The following UBAP2L variants were observed in gnomAD, a reference collection of about 807,000 sequenced individuals.
The protein encoded by UBAP2L is ubiquitin associated protein 2 like.
In UBAP2L, 12 loss-of-function variants were observed where a neutral mutation model predicts 130.6. The ratio of observed to expected loss-of-function variants is 0.09; its 90% CI spans 0.06 to 0.15. The LOEUF is 0.15. Among genes scored for constraint, UBAP2L ranks in the 10% least tolerant of loss-of-function variants. The pLI is 1.00. For missense variants in UBAP2L, 965 were observed against 1,332.5 expected, an observed-to-expected ratio of 0.72 and a Z score of 4.29; for synonymous variants, 503 against 524.7, an observed-to-expected ratio of 0.96 and a Z score of 0.57.
At chr1:154,237,252 A>T in intron 8 of UBAP2L, 116 bp downstream of exon 8, 1 of 932,212 alleles carries the variant, frequency 1.1e-6, no homozygotes, top group South Asian at 1.5e-5. Flanking sequence ...AGATAGGGTG[A>T]GAAAGGGCTG....
In UBAP2L at chr1:154,243,200, A is replaced by G. The variant is rs748097749; in HGVS notation, c.757-17A>G. 24 of 1,600,016 alleles carry G rather than the reference A, an allele frequency of 1.5e-5. No homozygotes were observed. Among genetic ancestry groups the G allele is most frequent in the Non-Finnish European group, 2.1e-5 (24 of 1,167,988 alleles). ...GCATCCCTGACACCAAGAGTGACTA[A>G]TCCCTCTGTTTTCCAGCTTTCTGAG... On this transcript the variant is annotated splice_polypyrimidine_tract_variant and intron_variant, in intron 9 of 26. Coordinates refer to ENST00000428931, the MANE Select transcript of UBAP2L (RefSeq NM_014847.4).
At chr1:154,255,495 T>TCC (rs1433333323) in intron 17 of UBAP2L, among the ~76,000 whole-genome samples, 169 bp downstream of exon 17, 1 of 152,218 alleles carries the variant, frequency 6.6e-6, no homozygotes, top group African/African-American at 2.4e-5. Flanking sequence ...GTTTTAATTT[T>TCC]CCCCTTTCAA....
intron 24 of UBAP2L, among the ~76,000 whole-genome samples, chr1:154,264,290 A>G (rs1461988534): frequency 3.3e-5 from 5 of 152,144 alleles, no homozygotes; most frequent in African/African-American, 1.2e-4. Flanking sequence ...CACCTTTCCC[A>G]GGGGCTGCCA....
intron 7 of UBAP2L, 61 bp from the exon 8 acceptor site, chr1:154,236,963 T>G (rs908653801): frequency 2.3e-6 from 3 of 1,278,728 alleles, no homozygotes; most frequent in Non-Finnish European, 3.4e-6. Context: ...TTTGATTCTT[T>G]GAGTTAATAT....
At chr1:154,250,226 T>G (rs1677062537) in intron 12 of UBAP2L, among the ~76,000 whole-genome samples, 3 of 152,176 alleles carry the variant, frequency 2.0e-5, no homozygotes, top group African/African-American at 7.2e-5. Flanking sequence ...GCCTGGCTAA[T>G]TTTTAATTTT....
chr1:154,220,597 G>C (rs1440892231), upstream of UBAP2L: 4 of 617,802 alleles, frequency 6.5e-6, no homozygotes, highest in Non-Finnish European at 1.1e-5. Flanking sequence ...GGAGAACGAC[G>C]CCTTCCAGCT....
At chr1:154,253,613 C>T (rs916925853) in intron 14 of UBAP2L, among the ~76,000 whole-genome samples, 4 of 151,936 alleles carry the variant, frequency 2.6e-5, no homozygotes, top group African/African-American at 9.7e-5. Context: ...ACCTCGTGAT[C>T]CGCCCGCCTC....
chr1:154,229,387 G>A lies in UBAP2L; in HGVS notation c.279+662G>A, dbSNP rs1315474066. ...GCTTGTCTTATGTTTGTACCAAATT[G>A]TAATCCTCTGACTGCCTTATTGATC... On this transcript the variant is annotated intron_variant, in intron 4 of 26. Coordinates refer to ENST00000428931, the MANE Select transcript of UBAP2L (RefSeq NM_014847.4). Among the ~76,000 whole-genome samples the A allele has an allele frequency of 2.0e-5, 3 of 152,068 alleles. No homozygotes were observed. In the South Asian group the frequency reaches 6.2e-4, roughly 32 times the overall value.
chr1:154,257,601 T>G, intron 20 of UBAP2L, 167 bp downstream of exon 20: 2 of 687,756 alleles, frequency 2.9e-6, no homozygotes, highest in South Asian at 3.9e-5. Flanking sequence ...TCTGTAAATG[T>G]GGCCGTATTT....
rs1684454765 is a variant in UBAP2L at position 154,270,219 on chromosome 1, G to A, written c.3188G>A (p.Ser1063Asn). The A allele has an allele frequency of 5.6e-6, 9 of 1,609,838 alleles. No homozygotes were observed. Among genetic ancestry groups the A allele is most frequent in the Non-Finnish European group, 7.6e-6 (9 of 1,177,442 alleles). ...QDGQTGSGQRSQTSSIPQKPQ... is the reference protein window; with the variant it reads ...QDGQTGSGQRNQTSSIPQKPQ... ...CTGCAGACGGGCAGCGGGCAACGTA[G>A]CCAGACCAGCTCCATCCCGCAGAAG... is the stretch of plus-strand genomic sequence containing the variant. The change falls in exon 27 of 27, where the codon AGC becomes AAC. Residue 1063 changes from serine (S) to asparagine (N), a missense_variant. Ser to Asn is a conservative substitution (Grantham distance 46). Coordinates refer to ENST00000428931, the MANE Select transcript of UBAP2L (RefSeq NM_014847.4).
intron 23 of UBAP2L, 93 bp downstream of exon 23, chr1:154,261,202 G>A: frequency 1.5e-6 from 2 of 1,359,928 alleles, no homozygotes; most frequent in South Asian, 1.4e-5. Flanking sequence ...CTTTAATAAT[G>A]GATGAGGAGG....
intron 10 of UBAP2L, among the ~76,000 whole-genome samples, chr1:154,244,580 C>T (rs1674716690): frequency 6.6e-6 from 1 of 152,050 alleles, no homozygotes; most frequent in African/African-American, 2.4e-5. Context: ...CCATGTTGGC[C>T]AGCCTGACCT....
Position 154,270,610 on chromosome 1 carries a change from G to C in UBAP2L, c.*315G>C. 1.6e-5 allele frequency: 23 copies of C among 1,413,166 alleles called. No individual in the cohort carries two copies. The highest frequency in any genetic ancestry group is 2.1e-5 in the Non-Finnish European group (23 of 1,089,006). The allele number at this position is 1,413,166 out of a possible 1,614,324, so 87.5% of individuals were successfully genotyped here. ...CCTCCTGTTCACCCTGGTGGTGTAC[G>C]GATGAGGCGGGGAGGTGGGACCCCC... On this transcript the variant is annotated 3_prime_UTR_variant, in exon 27 of 27. Coordinates refer to ENST00000428931, the MANE Select transcript of UBAP2L (RefSeq NM_014847.4).
chr1:154,223,055 C>T (rs908880800), intron 1 of UBAP2L, among the ~76,000 whole-genome samples: 9 of 152,170 alleles, frequency 5.9e-5, no homozygotes, highest in African/African-American at 2.2e-4. Context: ...TAATTCTGTG[C>T]CCTCAAGTGA....
chr1:154,263,437 G>A (rs1682254216), intron 24 of UBAP2L: 1 of 1,215,446 alleles, frequency 8.2e-7, no homozygotes, highest in Non-Finnish European at 1.0e-6. Context: ...TTTCTGGAAG[G>A]CATGTAGTTT....
intron 11 of UBAP2L, among the ~76,000 whole-genome samples, chr1:154,248,060 T>G (rs1008605816): frequency 1.4e-4 from 21 of 152,050 alleles, no homozygotes; most frequent in East Asian, 9.7e-4. Context: ...CTCCACCTCC[T>G]GGGTTCAAGC....
chr1:154,263,197 T>G, intron 24 of UBAP2L: 17 of 1,549,740 alleles, frequency 1.1e-5, no homozygotes, highest in Non-Finnish European at 1.5e-5. Flanking sequence ...GTGTATAAAT[T>G]TGCACTGAAG....
Position 154,257,161 on chromosome 1 carries a change from C to T in UBAP2L, c.2256C>T (p.Val752=). Residue 752 remains valine (V), a synonymous_variant, in exon 19 of 27, where the codon GTC becomes GTT. Coordinates refer to ENST00000428931, the MANE Select transcript of UBAP2L (RefSeq NM_014847.4). ...TVSAPPPVVS[V]SSSLNSGSSL... The stretch of plus-strand genomic sequence containing the variant: ...CTGCACCTCCCCCAGTGGTCAGTGT[C>T]TCCTCCAGTCTCAATAGTGGCAGTA... The T allele has an allele frequency of 6.2e-7, 1 of 1,614,202 alleles. No homozygotes were observed. The highest frequency in any genetic ancestry group is 8.5e-7 in the Non-Finnish European group (1 of 1,180,042).
chr1:154,270,472 T>C lies in UBAP2L; in HGVS notation c.*177T>C, dbSNP rs1236386582. 6.6e-7 allele frequency: 1 copy of C among 1,514,588 alleles called. No homozygotes were observed. Among genetic ancestry groups the C allele is most frequent in the Admixed American group, 2.1e-5 (1 of 47,646 alleles). 93.8% of individuals were successfully genotyped at this position (1,514,588 alleles called of 1,614,324 possible). On this transcript the variant is annotated 3_prime_UTR_variant, in exon 27 of 27. Transcript: ENST00000428931. ...CATTCCTATACCATCCCCACCCTGT[T>C]GTATGTATTATAGGATTTGTATTTT... is the stretch of plus-strand genomic sequence containing the variant.
Sources: allele counts gnomAD v4.1 joint callset (sites outside exome capture counted in the v4.1 genomes callset), GRCh38; gene constraint gnomAD v4.1.1; transcripts MANE v1.5; gene names NCBI Gene and HGNC (gene_info 2026-07-23, HGNC 2026-07-21).